IL23R: variants seen among roughly 807,000 people sequenced by gnomAD.
IL23R encodes the protein interleukin 23 receptor, also known as interleukin-23 receptor.
Under a neutral mutation model 56.9 loss-of-function variants are expected in IL23R, and 34 were observed. The ratio of observed to expected loss-of-function variants is 0.60; its 90% CI spans 0.45 to 0.80. The LOEUF (loss-of-function observed/expected upper bound fraction) is 0.80, where lower values mean the gene tolerates loss of function less well. IL23R is among the 30% of genes least tolerant of loss of function. The pLI is 0.00. For missense variants in IL23R, 635 were observed against 730.0 expected, an observed-to-expected ratio of 0.87 and a Z score of 1.50; for synonymous variants, 230 against 249.2, an observed-to-expected ratio of 0.92 and a Z score of 0.73.
At chr1:67,241,344 T>A (rs1276732749) in intron 9 of IL23R, among the ~76,000 whole-genome samples, 1 of 152,262 alleles carries the variant, frequency 6.6e-6, no homozygotes. Flanking sequence ...AAACCTGGTC[T>A]GTTCTAGGAT....
intron 4 of IL23R, among the ~76,000 whole-genome samples, chr1:67,193,260 C>T (rs769116871): frequency 3.3e-5 from 5 of 152,192 alleles, no homozygotes; most frequent in Admixed American, 1.3e-4. Context: ...ACTCTCAGAA[C>T]TGCCTAACCT....
At position 67,139,627 on chromosome 1, in the gene IL23R, T is replaced by C. The variant is rs114372315; in HGVS notation, c.-634+466T>C. On this transcript the variant is annotated intron_variant, in intron 1 of 10. Transcript: ENST00000637002. The stretch of plus-strand genomic sequence containing the variant: ...ACATATTCATTTGTATAGCATCTGC[T>C]ACAGTTTGAATATTTGTCCCCTCCG... Among the ~76,000 whole-genome samples the C allele has an allele frequency of 5.5e-3, 838 of 152,346 alleles. 8 individuals carry two copies. Among genetic ancestry groups the C allele is most frequent in the African/African-American group, 0.019 (802 of 41,572 alleles).
intron 9 of IL23R, among the ~76,000 whole-genome samples, chr1:67,252,632 C>T (rs1030306960): frequency 6.6e-6 from 1 of 151,896 alleles, no homozygotes; most frequent in African/African-American, 2.4e-5. Flanking sequence ...TCCTGGGGGT[C>T]GTTAGAAGGT....
chr1:67,176,806 C>A (rs937979353), intron 3 of IL23R, among the ~76,000 whole-genome samples: 2 of 152,216 alleles, frequency 1.3e-5, no homozygotes, highest in African/African-American at 4.8e-5. Flanking sequence ...ACACAACTGG[C>A]CCCGGTGTGT....
At chr1:67,178,486 T>C (rs992118550) in intron 3 of IL23R, among the ~76,000 whole-genome samples, 4 of 152,246 alleles carry the variant, frequency 2.6e-5, no homozygotes, top group African/African-American at 9.6e-5. Flanking sequence ...GAGACTTTGC[T>C]AAAGTTGCCT....
chr1:67,230,980 A>C (rs896210427), intron 7 of IL23R, among the ~76,000 whole-genome samples: 2 of 152,054 alleles, frequency 1.3e-5, no homozygotes, highest in South Asian at 4.1e-4. Flanking sequence ...AACCAAAAGG[A>C]GGTATTTGTG....
At chr1:67,148,249 G>C (rs11209004) in intron 1 of IL23R, among the ~76,000 whole-genome samples, 1 of 152,124 alleles carries the variant, frequency 6.6e-6, no homozygotes, top group African/African-American at 2.4e-5. Flanking sequence ...AGTAGTGGAC[G>C]GCGAGCGAAA....
intron 7 of IL23R, among the ~76,000 whole-genome samples, chr1:67,226,315 A>G (rs1473684229): frequency 6.6e-6 from 1 of 152,224 alleles, no homozygotes; most frequent in East Asian, 1.9e-4. Context: ...AGGAAGAATC[A>G]GGTCACACAC....
At chr1:67,194,558 G>A (rs1647994355) in intron 4 of IL23R, among the ~76,000 whole-genome samples, 1 of 152,196 alleles carries the variant, frequency 6.6e-6, no homozygotes, top group Non-Finnish European at 1.5e-5. Flanking sequence ...AATTAAAACA[G>A]TGCTTTGTGG....
intron 7 of IL23R, among the ~76,000 whole-genome samples, chr1:67,227,940 A>G (rs914372549): frequency 2.7e-5 from 1 of 37,434 alleles, no homozygotes; most frequent in Non-Finnish European, 6.1e-5. Context: ...CAGAACAAAG[A>G]TCTTTCTTTC....
chr1:67,154,783 T>A lies in IL23R; in HGVS notation c.-633-13309T>A, dbSNP rs1405736691. Among the ~76,000 whole-genome samples, 13 of 152,334 alleles carry A rather than the reference T, an allele frequency of 8.5e-5. No homozygotes were observed. The East Asian group carries it at 2.5e-3, about 29-fold the overall frequency. On this transcript the variant is annotated intron_variant, in intron 1 of 10. Coordinates refer to the IL23R transcript ENST00000637002. ...TCTTTTAATTGGGGCATTTAGCCCA[T>A]TTACATTTAAAGTTAATATTGTTAT... is the stretch of plus-strand genomic sequence containing the variant.
chr1:67,170,066 T>A (rs1053873871), intron 3 of IL23R, among the ~76,000 whole-genome samples: 1 of 152,148 alleles, frequency 6.6e-6, no homozygotes, highest in Non-Finnish European at 1.5e-5. Context: ...ATAATATAAT[T>A]AACCTTGAAG....
chr1:67,151,100 A>C (rs1178559620), intron 1 of IL23R, among the ~76,000 whole-genome samples: 1 of 152,176 alleles, frequency 6.6e-6, no homozygotes, highest in Non-Finnish European at 1.5e-5. Flanking sequence ...ATTTCTCCGC[A>C]GCCTCACCAG....
chr1:67,247,117 AGAGACTAG>A (rs759388107), intron 9 of IL23R, among the ~76,000 whole-genome samples: 63 of 150,772 alleles, frequency 4.2e-4, no homozygotes, highest in Non-Finnish European at 7.4e-4. Flanking sequence ...CTGTTTTATC[AGAGACTAG>A]GATTGCAACC....
At chr1:67,218,346 G>GTATATATA (rs1375633931) in intron 6 of IL23R, among the ~76,000 whole-genome samples, 4 of 141,164 alleles carry the variant, frequency 2.8e-5, no homozygotes, top group African/African-American at 1.1e-4. Context: ...GTGTGTGTGT[G>GTATATATA]TGTGTGTGTG....
At chr1:67,144,655 A>G (rs1031995783) in intron 1 of IL23R, among the ~76,000 whole-genome samples, 6 of 152,202 alleles carry the variant, frequency 3.9e-5, no homozygotes, top group African/African-American at 7.2e-5. Context: ...AAGTCCTCCT[A>G]TAATTCCTTT....
chr1:67,165,244 A>T (rs970105431), upstream of IL23R, among the ~76,000 whole-genome samples: 2 of 152,092 alleles, frequency 1.3e-5, no homozygotes, highest in Non-Finnish European at 2.9e-5. Context: ...AAACCAAAAA[A>T]CAAAACTACA....
At chr1:67,265,127 G>A in the IL23R span, among the ~76,000 whole-genome samples, 8 of 152,218 alleles carry the variant, frequency 5.3e-5, no homozygotes, top group African/African-American at 1.7e-4. Context: ...TGTGAGGTAC[G>A]GAAGTCAATA....
chr1:67,259,346 C>G lies in IL23R; in HGVS notation c.*218C>G. The G allele has an allele frequency of 1.8e-6, 1 of 547,914 alleles. No homozygotes were observed. Among genetic ancestry groups the G allele is most frequent in the Non-Finnish European group, 3.3e-6 (1 of 306,606 alleles). 33.9% of individuals were successfully genotyped at this position (547,914 alleles called of 1,614,324 possible). The stretch of plus-strand genomic sequence containing the variant: ...TGTTTCAGTTCTACCAATCTTGTTT[C>G]CAGAGTAGTGACATTTCTGTGCTCC... On this transcript the variant is annotated 3_prime_UTR_variant, in exon 11 of 11. Transcript: ENST00000347310.
Sources: gnomAD v4.1 joint callset for allele counts (sites outside exome capture counted in the v4.1 genomes callset) on GRCh38, gnomAD v4.1.1 for gene constraint, MANE v1.5 for transcripts, NCBI Gene and HGNC (gene_info 2026-07-23, HGNC 2026-07-21) for gene names.